Variants in FRMD6 observed in about 807,000 individuals in gnomAD.
FRMD6 encodes FERM domain containing 6.
Under a neutral mutation model 73.2 loss-of-function variants are expected in FRMD6, and 37 were observed. That is an observed-to-expected ratio of 0.51 (90% CI 0.39 to 0.66). The LOEUF is 0.66. Ranked by LOEUF, FRMD6 falls within the 30% of genes least tolerant of loss-of-function variation. FRMD6 has a pLI of 0.00. For synonymous variants in FRMD6, 273 were observed against 282.2 expected (o/e 0.97, Z 0.33); for missense variants, 714 against 780.5 (o/e 0.91, Z 1.02).
chr14:51,674,810 C>T (rs1016361095), intron 1 of FRMD6, among the ~76,000 whole-genome samples: 2 of 151,914 alleles, frequency 1.3e-5, no homozygotes, highest in African/African-American at 4.8e-5. Flanking sequence ...GGGGGACGCA[C>T]GAACCGAACA....
At chr14:51,473,975 AC>A in the FRMD6 span, among the ~76,000 whole-genome samples, 4 of 152,208 alleles carry the variant, frequency 2.6e-5, no homozygotes, top group East Asian at 7.7e-4. Flanking sequence ...TTTATTGAGC[AC>A]GTATCACATT....
At chr14:51,585,048 G>C (rs1019082146) in intron 2 of FRMD6, among the ~76,000 whole-genome samples, 1 of 152,178 alleles carries the variant, frequency 6.6e-6, no homozygotes, top group African/African-American at 2.4e-5. Flanking sequence ...CACAGTAGCT[G>C]TCATTGTTGC....
intron 1 of FRMD6, among the ~76,000 whole-genome samples, chr14:51,666,520 A>C (rs1893605120): frequency 6.6e-6 from 1 of 152,234 alleles, no homozygotes; most frequent in South Asian, 2.1e-4. Flanking sequence ...ACTTCGGGGC[A>C]GTCTGATCTG....
At chr14:51,591,426 A>G (rs186961647) in intron 2 of FRMD6, among the ~76,000 whole-genome samples, 1 of 152,382 alleles carries the variant, frequency 6.6e-6, no homozygotes, top group African/African-American at 2.4e-5. Flanking sequence ...GCTCCACATT[A>G]TAAGTTGTAC....
the FRMD6 span, among the ~76,000 whole-genome samples, chr14:51,411,526 G>A: frequency 2.0e-5 from 3 of 152,192 alleles, no homozygotes; most frequent in African/African-American, 7.2e-5. Flanking sequence ...TACATTGGGG[G>A]CAGCCCACTT....
intron 1 of FRMD6, among the ~76,000 whole-genome samples, chr14:51,538,614 T>G (rs1204357472): frequency 1.3e-5 from 2 of 152,206 alleles, no homozygotes; most frequent in Non-Finnish European, 2.9e-5. Context: ...CTTTTGAATA[T>G]TGATATTCAG....
At chr14:51,498,168 A>G (rs1210385918) in intron 1 of FRMD6, among the ~76,000 whole-genome samples, 1 of 152,260 alleles carries the variant, frequency 6.6e-6, no homozygotes, top group Middle Eastern at 3.2e-3. Flanking sequence ...AAATAAAAAC[A>G]AAAAACTATT....
rs1448889320 is a variant in FRMD6 at position 51,723,472 on chromosome 14, TA to T, written c.1492+1397del. 3.3e-5 allele frequency among the ~76,000 whole-genome samples: 5 copies of T among 152,202 alleles called. 2 individuals are homozygous for T. Among genetic ancestry groups the T allele is most frequent in the African/African-American group, 1.2e-4 (5 of 41,536 alleles). On this transcript the variant is annotated intron_variant, in intron 12 of 13. Coordinates refer to ENST00000344768, the MANE Select transcript of FRMD6 (RefSeq NM_001267046.2). ...ATAAAAAAAGTTTGTTGAAATGTTA[TA>T]AAAATAATTAAAGAATGAGTGGTAA...
At chr14:51,492,044 G>C (rs750339174) in intron 1 of FRMD6, among the ~76,000 whole-genome samples, 2 of 152,186 alleles carry the variant, frequency 1.3e-5, no homozygotes, top group African/African-American at 2.4e-5. Context: ...TTTCCTTGCT[G>C]TTCAGGGCTG....
At chr14:51,444,143 G>T in the FRMD6 span, among the ~76,000 whole-genome samples, 2 of 152,158 alleles carry the variant, frequency 1.3e-5, no homozygotes, top group Non-Finnish European at 2.9e-5. Context: ...TGACCAGGCT[G>T]GTCTCGAACT....
the FRMD6 span, among the ~76,000 whole-genome samples, chr14:51,402,067 T>C: frequency 6.6e-6 from 1 of 152,160 alleles, no homozygotes; most frequent in South Asian, 2.1e-4. Flanking sequence ...GCAAATTCAG[T>C]GGAGACTAGA....
chr14:51,430,411 G>T, the FRMD6 span, among the ~76,000 whole-genome samples: 3 of 152,140 alleles, frequency 2.0e-5, no homozygotes, highest in African/African-American at 7.2e-5. Flanking sequence ...AATAGCAGAA[G>T]ATCTAACCCA....
At chr14:51,464,807 C>T in the FRMD6 span, among the ~76,000 whole-genome samples, 1 of 152,142 alleles carries the variant, frequency 6.6e-6, no homozygotes, top group African/African-American at 2.4e-5. Context: ...ATCTTGGCCC[C>T]CAGAATGCTG....
chr14:51,636,187 T>C (rs1891552864), intron 2 of FRMD6, among the ~76,000 whole-genome samples: 1 of 152,158 alleles, frequency 6.6e-6, no homozygotes, highest in East Asian at 1.9e-4. Flanking sequence ...AGGGTTTATA[T>C]AGGGAAAGGG....
intron 1 of FRMD6, among the ~76,000 whole-genome samples, chr14:51,550,525 T>C (rs931938067): frequency 6.6e-6 from 1 of 152,064 alleles, no homozygotes; most frequent in Non-Finnish European, 1.5e-5. Context: ...AGGAAGCTCT[T>C]CTCCTTGAGA....
Position 51,729,893 on chromosome 14 carries a change from C to T in FRMD6, c.*1864C>T, listed in dbSNP as rs1181438505. The T allele has an allele frequency of 2.0e-5, 3 of 152,638 alleles. No individual in the cohort carries two copies. Among genetic ancestry groups the T allele is most frequent in the Admixed American group, 6.5e-5 (1 of 15,280 alleles). 9.5% of individuals were successfully genotyped at this position (152,638 alleles called of 1,614,324 possible). ...AAAATTGTTTTGCTTTTATCAAATACTTTAATAGAACCAAAGTTGCAGATA... is the reference window on the plus strand; with the variant it reads ...AAAATTGTTTTGCTTTTATCAAATATTTTAATAGAACCAAAGTTGCAGATA... On this transcript the variant is annotated 3_prime_UTR_variant, in exon 14 of 14. Coordinates refer to ENST00000344768, the MANE Select transcript of FRMD6 (RefSeq NM_001267046.2).
At chr14:51,562,264 G>C (rs920486876) in intron 1 of FRMD6, among the ~76,000 whole-genome samples, 1 of 152,166 alleles carries the variant, frequency 6.6e-6, no homozygotes, top group Admixed American at 6.5e-5. Context: ...AAGATTGCCT[G>C]CATCCAGGGA....
chr14:51,429,449 T>A, the FRMD6 span, among the ~76,000 whole-genome samples: 1 of 152,172 alleles, frequency 6.6e-6, no homozygotes, highest in South Asian at 2.1e-4. Flanking sequence ...TTTGTTTCCC[T>A]CTAGCCCTTT....
At chr14:51,649,286 T>C (rs887453517), upstream of FRMD6, among the ~76,000 whole-genome samples, 5 of 152,234 alleles carry the variant, frequency 3.3e-5, no homozygotes, top group African/African-American at 1.2e-4. Context: ...ATACTGTTAA[T>C]ATTATCACTA....
Sources: allele counts gnomAD v4.1 joint callset (sites outside exome capture counted in the v4.1 genomes callset), GRCh38; gene constraint gnomAD v4.1.1; transcripts MANE v1.5; gene names NCBI Gene and HGNC (gene_info 2026-07-23, HGNC 2026-07-21).